The following ATP10B variants were observed in gnomAD, a reference collection of about 807,000 sequenced individuals.
The protein encoded by ATP10B is ATPase phospholipid transporting 10B (putative).
A neutral mutation model predicts 141.2 loss-of-function variants in ATP10B; 122 were observed. The observed-to-expected ratio is 0.86, with a 90% CI of 0.75 to 1.00. ATP10B has a LOEUF of 1.00. Among genes scored for constraint, ATP10B ranks in the 50% least tolerant of loss-of-function variants. The pLI, the probability that ATP10B is intolerant of heterozygous loss-of-function variation, is 0.00. For missense variants in ATP10B, 1,876 were observed against 1,825.3 expected, an observed-to-expected ratio of 1.03 and a Z score of -0.51; for synonymous variants, 685 against 692.0, an observed-to-expected ratio of 0.99 and a Z score of 0.16.
intron 3 of ATP10B, among the ~76,000 whole-genome samples, chr5:160,694,212 G>A (rs1764240281): frequency 6.6e-6 from 1 of 152,182 alleles, no homozygotes; most frequent in Non-Finnish European, 1.5e-5. Flanking sequence ...CCTGAGAGTG[G>A]AACAGGAAAC....
intron 1 of ATP10B, among the ~76,000 whole-genome samples, chr5:160,811,441 G>GA (rs1207377085): frequency 6.6e-6 from 1 of 152,018 alleles, no homozygotes; most frequent in Non-Finnish European, 1.5e-5. Flanking sequence ...GGCTAGAGGG[G>GA]AGCCCAGTAC....
At chr5:160,777,541 G>C (rs916910766) in intron 2 of ATP10B, among the ~76,000 whole-genome samples, 1 of 152,194 alleles carries the variant, frequency 6.6e-6, no homozygotes, top group Non-Finnish European at 1.5e-5. Flanking sequence ...TGTGGGGCTT[G>C]TTCAGCTAAG....
Position 160,818,868 on chromosome 5 carries a change from A to G in ATP10B, c.-575-33065T>C, listed in dbSNP as rs536436928. 3.9e-5 allele frequency among the ~76,000 whole-genome samples: 6 copies of G among 152,320 alleles called. No homozygotes were observed. In the East Asian group the frequency reaches 1.2e-3, roughly 29 times the overall value. Reference sequence around the variant, plus strand: ...TTGGTAGGGACATGGATGAAGCTGGAAACCATCATTCTCAGCAAACTATTT... The same window carrying G: ...TTGGTAGGGACATGGATGAAGCTGGGAACCATCATTCTCAGCAAACTATTT... On this transcript the variant is annotated intron_variant, in intron 1 of 25. Transcript: ENST00000327245.
chr5:160,807,451 G>C (rs1772857091), intron 1 of ATP10B, among the ~76,000 whole-genome samples: 1 of 152,180 alleles, frequency 6.6e-6, no homozygotes, highest in Admixed American at 6.5e-5. Flanking sequence ...AGACAGTGAG[G>C]ATACCTTATC....
At chr5:160,747,995 GAAAAAAA>G (rs3075589) in intron 2 of ATP10B, among the ~76,000 whole-genome samples, 1 of 99,068 alleles carries the variant, frequency 1.0e-5, no homozygotes, top group Non-Finnish European at 2.0e-5. Flanking sequence ...CATTGAGAGA[GAAAAAAA>G]AAAAAAAAAA....
chr5:160,918,101 C>A, the ATP10B span, among the ~76,000 whole-genome samples: 1 of 152,166 alleles, frequency 6.6e-6, no homozygotes, highest in African/African-American at 2.4e-5. Flanking sequence ...ACACTGAGGG[C>A]CCTAATAGGG....
intron 1 of ATP10B, among the ~76,000 whole-genome samples, chr5:160,804,316 G>C (rs1009630928): frequency 6.6e-6 from 1 of 152,196 alleles, no homozygotes; most frequent in African/African-American, 2.4e-5. Flanking sequence ...GTGATAAATA[G>C]ATGAACTATG....
intron 2 of ATP10B, among the ~76,000 whole-genome samples, chr5:160,768,791 A>G (rs1019998820): frequency 6.6e-6 from 1 of 152,214 alleles, no homozygotes; most frequent in African/African-American, 2.4e-5. Context: ...GCTGATGGGC[A>G]TCAGGGATTT....
At chr5:160,898,263 C>T in the ATP10B span, among the ~76,000 whole-genome samples, 659 of 152,180 alleles carry the variant, frequency 4.3e-3, 4 homozygotes, top group African/African-American at 0.015. Flanking sequence ...TGACAAAGGA[C>T]TAATATCCAG....
chr5:160,890,385 T>C, the ATP10B span, among the ~76,000 whole-genome samples: 1 of 152,156 alleles, frequency 6.6e-6, no homozygotes, highest in African/African-American at 2.4e-5. Flanking sequence ...ATCACCTTGA[T>C]CTAGTTTTAG....
At chr5:160,626,987 T>C (rs1412613300) in intron 13 of ATP10B, among the ~76,000 whole-genome samples, 2 of 152,090 alleles carry the variant, frequency 1.3e-5, no homozygotes, top group Non-Finnish European at 2.9e-5. Flanking sequence ...CATGGCATAG[T>C]TCCTCTTATG....
intron 9 of ATP10B, among the ~76,000 whole-genome samples, chr5:160,641,419 T>C (rs999465675): frequency 1.3e-5 from 2 of 152,224 alleles, no homozygotes; most frequent in African/African-American, 4.8e-5. Flanking sequence ...TGTTGAAGTT[T>C]TGCATACAAT....
chr5:160,909,691 C>T, the ATP10B span, among the ~76,000 whole-genome samples: 7 of 152,142 alleles, frequency 4.6e-5, no homozygotes, highest in Admixed American at 1.3e-4. Context: ...ACTTGAATAA[C>T]GTAGAATCAC....
chr5:160,733,497 G>A (rs112438046), intron 2 of ATP10B, among the ~76,000 whole-genome samples: 1 of 152,084 alleles, frequency 6.6e-6, no homozygotes, highest in African/African-American at 2.4e-5. Flanking sequence ...ATAGCCATAG[G>A]CACATAGATG....
chr5:160,628,779 GA>G (rs920374084), intron 13 of ATP10B, among the ~76,000 whole-genome samples: 6 of 151,846 alleles, frequency 4.0e-5, no homozygotes, highest in African/African-American at 7.2e-5. Flanking sequence ...CAGACAAGGA[GA>G]AAAAAAACCC....
At chr5:160,575,441 GA>G (rs1482114736) in intron 24 of ATP10B, among the ~76,000 whole-genome samples, 1 of 151,952 alleles carries the variant, frequency 6.6e-6, no homozygotes, top group Non-Finnish European at 1.5e-5. Flanking sequence ...TTTGTTTAAA[GA>G]AAGAATAATG....
At chr5:160,689,606 T>C (rs1763955330) in intron 3 of ATP10B, among the ~76,000 whole-genome samples, 1 of 152,176 alleles carries the variant, frequency 6.6e-6, no homozygotes, top group Non-Finnish European at 1.5e-5. Flanking sequence ...AGCCAAATCA[T>C]GAGTGAACTC....
chr5:160,596,035 C>G (rs1399425003), intron 22 of ATP10B, among the ~76,000 whole-genome samples: 2 of 151,978 alleles, frequency 1.3e-5, no homozygotes, highest in Non-Finnish European at 2.9e-5. Flanking sequence ...CTCCCTAACT[C>G]ATTTTATGAG....
chr5:160,705,597 G>T (rs1223183419), intron 3 of ATP10B, among the ~76,000 whole-genome samples: 1 of 152,106 alleles, frequency 6.6e-6, no homozygotes. Flanking sequence ...ACCTCTCTCT[G>T]TCTTCATAAA....
Sources: allele counts gnomAD v4.1 joint callset (sites outside exome capture counted in the v4.1 genomes callset), GRCh38; gene constraint gnomAD v4.1.1; transcripts MANE v1.5; gene names NCBI Gene and HGNC (gene_info 2026-07-23, HGNC 2026-07-21).